DOCK1: variants seen among roughly 807,000 people sequenced by gnomAD.
The protein encoded by DOCK1 is dedicator of cytokinesis protein 1.
DOCK1 carries 138 observed loss-of-function variants against 262.7 expected under a neutral mutation model. The observed-to-expected ratio is 0.53, with a 90% CI of 0.46 to 0.61. The LOEUF is 0.61. Ranked by LOEUF, DOCK1 falls within the 20% of genes least tolerant of loss-of-function variation. The probability of loss-of-function intolerance (pLI) is 0.00; values close to 1 mark genes in which losing one functional copy is unlikely to be tolerated. For missense variants in DOCK1, 1,908 were observed against 2,370.7 expected, an observed-to-expected ratio of 0.80 and a Z score of 4.05; for synonymous variants, 866 against 867.4, an observed-to-expected ratio of 1.00 and a Z score of 0.03.
intron 1 of DOCK1, among the ~76,000 whole-genome samples, chr10:126,943,588 C>G (rs1283467102): frequency 6.6e-6 from 1 of 152,174 alleles, no homozygotes; most frequent in Non-Finnish European, 1.5e-5. Context: ...TTACCCTGTG[C>G]CTGCAAAATG....
intron 32 of DOCK1, among the ~76,000 whole-genome samples, chr10:127,355,041 C>A (rs1302210252): frequency 6.6e-6 from 1 of 152,150 alleles, no homozygotes; most frequent in Admixed American, 6.5e-5. Flanking sequence ...GTTCCTTCTG[C>A]GTCAAATAGG....
At chr10:126,951,339 T>G (rs1444495954) in intron 1 of DOCK1, among the ~76,000 whole-genome samples, 1 of 151,672 alleles carries the variant, frequency 6.6e-6, no homozygotes, top group East Asian at 1.9e-4. Flanking sequence ...GTGATAGTGG[T>G]GATGGTAGTA....
chr10:127,341,981 C>T (rs1251285794), intron 30 of DOCK1, among the ~76,000 whole-genome samples: 1 of 152,182 alleles, frequency 6.6e-6, no homozygotes, highest in Non-Finnish European at 1.5e-5. Flanking sequence ...GGCTCAAAGG[C>T]AGCCCTGGTC....
Position 126,998,144 on chromosome 10 carries a change from C to G in DOCK1, c.662C>G (p.Pro221Arg). 1.2e-6 allele frequency: 2 copies of G among 1,614,036 alleles called. No individual in the cohort carries two copies. The highest frequency in any genetic ancestry group is 1.7e-6 in the Non-Finnish European group (2 of 1,179,910). The change falls in exon 8 of 52, where the codon CCT becomes CGT. Residue 221 changes from proline to arginine, a missense_variant. Pro to Arg is a moderately radical substitution (Grantham distance 103, BLOSUM62 -2). Around this residue, in one of 9 missense-constraint regions of DOCK1, gnomAD observed 227 missense variants for 254.1 expected, o/e 0.89. Coordinates refer to ENST00000623213, the MANE Select transcript of DOCK1 (RefSeq NM_001290223.2). ...INRQAKFAAT[P>R]SLALFVNLKN... ...AGACAAGCCAAGTTTGCTGCAACCC[C>G]TTCTCTGGCCTTGTTTGTGAACCTC...
At chr10:127,108,004 G>A (rs565273730) in intron 24 of DOCK1, among the ~76,000 whole-genome samples, 10 of 152,346 alleles carry the variant, frequency 6.6e-5, no homozygotes, top group Admixed American at 2.0e-4. Context: ...TGGTTGAGCC[G>A]TGTGCTTGGA....
chr10:127,038,304 G>C (rs756534387), intron 19 of DOCK1, among the ~76,000 whole-genome samples: 1 of 152,104 alleles, frequency 6.6e-6, no homozygotes, highest in Non-Finnish European at 1.5e-5. Flanking sequence ...TTCTGGTTTG[G>C]GGGGACTCTC....
At chr10:127,085,389 G>T (rs2047135701) in intron 23 of DOCK1, among the ~76,000 whole-genome samples, 1 of 152,212 alleles carries the variant, frequency 6.6e-6, no homozygotes, top group Admixed American at 6.5e-5. Context: ...AGACAGTAGA[G>T]AATTGCATTA....
At chr10:126,931,646 C>T (rs2034195138) in intron 1 of DOCK1, among the ~76,000 whole-genome samples, 1 of 152,142 alleles carries the variant, frequency 6.6e-6, no homozygotes, top group South Asian at 2.1e-4. Flanking sequence ...CAGGAGTTTT[C>T]CAGCTCCACA....
At chr10:126,956,797 G>C (rs2134473106) in intron 1 of DOCK1, among the ~76,000 whole-genome samples, 1 of 152,316 alleles carries the variant, frequency 6.6e-6, no homozygotes, top group African/African-American at 2.4e-5. Context: ...CCGAGTCCAT[G>C]TCTTGATTCC....
At chr10:127,117,117 T>C (rs2049233067) in intron 25 of DOCK1, among the ~76,000 whole-genome samples, 1 of 152,212 alleles carries the variant, frequency 6.6e-6, no homozygotes, top group Non-Finnish European at 1.5e-5. Flanking sequence ...GAGGGTGAAC[T>C]CAATTTCAGG....
chr10:127,336,758 C>G (rs1441508275), intron 29 of DOCK1, among the ~76,000 whole-genome samples: 1 of 152,050 alleles, frequency 6.6e-6, no homozygotes, highest in Non-Finnish European at 1.5e-5. Context: ...CCAGGATGGT[C>G]TCAATCTCCT....
chr10:127,216,356 C>T (rs1342677303), intron 27 of DOCK1, among the ~76,000 whole-genome samples: 1 of 151,558 alleles, frequency 6.6e-6, no homozygotes, highest in African/African-American at 2.4e-5. Flanking sequence ...TCGAAACCAA[C>T]CTGAAAGCGC....
chr10:127,137,830 G>A (rs777987451), intron 27 of DOCK1: 11 of 1,609,524 alleles, frequency 6.8e-6, no homozygotes, highest in Admixed American at 6.8e-5. Flanking sequence ...TCCAGACACC[G>A]TGAGTGTTAA....
intron 8 of DOCK1, 62 bp from the exon 9 acceptor site, chr10:126,999,292 A>G: frequency 7.8e-7 from 1 of 1,287,066 alleles, no homozygotes. Flanking sequence ...AGCAATGTGG[A>G]TGTACATTTG....
At chr10:127,451,176 C>T (rs967398400) in intron 51 of DOCK1, among the ~76,000 whole-genome samples, 156 bp from the exon 52 acceptor site, 2 of 152,134 alleles carry the variant, frequency 1.3e-5, no homozygotes, top group African/African-American at 2.4e-5. Flanking sequence ...GCCTAGTAGA[C>T]CTGCCAGCCC....
chr10:127,279,721 G>C (rs2060874495), intron 29 of DOCK1, among the ~76,000 whole-genome samples: 1 of 152,178 alleles, frequency 6.6e-6, no homozygotes, highest in African/African-American at 2.4e-5. Flanking sequence ...TCAGACCTCA[G>C]TGCTTTGCCT....
chr10:127,067,335 T>C (rs537241279), intron 23 of DOCK1, among the ~76,000 whole-genome samples: 1 of 152,266 alleles, frequency 6.6e-6, no homozygotes, highest in African/African-American at 2.4e-5. Flanking sequence ...AGTCCACAAA[T>C]ATTACTACCT....
intron 38 of DOCK1, among the ~76,000 whole-genome samples, chr10:127,399,723 G>A (rs1339071319): frequency 2.6e-5 from 4 of 151,972 alleles, no homozygotes; most frequent in Admixed American, 2.0e-4. Flanking sequence ...GTTTGTATCC[G>A]CTTGCAGAAA....
intron 38 of DOCK1, among the ~76,000 whole-genome samples, chr10:127,395,248 C>T (rs2066751775): frequency 6.6e-6 from 1 of 152,146 alleles, no homozygotes; most frequent in Non-Finnish European, 1.5e-5. Context: ...CCTGGGAATT[C>T]CTAGATCAAG....
Sources: allele counts gnomAD v4.1 joint callset (sites outside exome capture counted in the v4.1 genomes callset), GRCh38; gene constraint gnomAD v4.1.1; regional missense constraint gnomAD v4.1.1; transcripts MANE v1.5; gene names NCBI Gene and HGNC (gene_info 2026-07-23, HGNC 2026-07-21).